The following LRRC40 variants were observed in gnomAD, a reference collection of about 807,000 sequenced individuals.
LRRC40 encodes the protein leucine-rich repeat-containing protein 40.
LRRC40 carries 76 observed loss-of-function variants against 72.8 expected under a neutral mutation model. The observed-to-expected ratio is 1.04, with a 90% CI of 0.87 to 1.26. The LOEUF (loss-of-function observed/expected upper bound fraction) is 1.26. Among genes scored for constraint, LRRC40 ranks in the 50% most tolerant of loss-of-function variants. The pLI is 0.00. For missense variants in LRRC40, 684 were observed against 698.9 expected, an observed-to-expected ratio of 0.98 and a Z score of 0.24; for synonymous variants, 243 against 254.2, an observed-to-expected ratio of 0.96 and a Z score of 0.42.
Position 70,145,747 on chromosome 1 carries a change from T to G in LRRC40, c.*53A>C. ...ACTAAAACAAATGTTACATCCTCCT[T>G]AGAATTAACCAGGGTTAATAATACA... On this transcript the variant is annotated 3_prime_UTR_variant, in exon 15 of 15. Transcript: ENST00000370952. 1 of 910,158 alleles carries G rather than the reference T, an allele frequency of 1.1e-6. No individual in the cohort carries two copies. The highest frequency in any genetic ancestry group is 1.8e-6 in the Non-Finnish European group (1 of 566,876). 56.4% of individuals were successfully genotyped at this position (910,158 alleles called of 1,614,324 possible).
At chr1:70,182,050 C>T (rs1475983690) in intron 4 of LRRC40, among the ~76,000 whole-genome samples, 1 of 151,872 alleles carries the variant, frequency 6.6e-6, no homozygotes, top group Non-Finnish European at 1.5e-5. Flanking sequence ...TTCATTTAAT[C>T]TAACAGTAAC....
chr1:70,197,697 A>G (rs1358129699), intron 1 of LRRC40, among the ~76,000 whole-genome samples: 1 of 151,510 alleles, frequency 6.6e-6, no homozygotes, highest in African/African-American at 2.4e-5. Flanking sequence ...AGAACTATCT[A>G]GTTTGGGGAG....
intron 4 of LRRC40, among the ~76,000 whole-genome samples, chr1:70,184,061 C>A (rs2100316567): frequency 6.6e-6 from 1 of 152,062 alleles, no homozygotes; most frequent in African/African-American, 2.4e-5. Flanking sequence ...TCAGTCTGGC[C>A]AAATGGTGAA....
chr1:70,189,021 G>T, intron 2 of LRRC40, 71 bp downstream of exon 2: 1 of 1,349,282 alleles, frequency 7.4e-7, no homozygotes, highest in Non-Finnish European at 1.0e-6. Context: ...AAGGTTTTCT[G>T]CTACCAAAGC....
In LRRC40 at chr1:70,205,439, T is replaced by G. The variant is rs1558133947; in HGVS notation, c.102A>C (p.Ala34=). ...GTSVPQGLLK[A]ARKSGQLNLS... ...GGTTTAACTGGCCGCTCTTCCTCGC[T>G]GCCTTCAACAGCCCTTGGGGTACCG... The change falls in exon 1 of 15, where the codon GCA becomes GCC. Residue 34 remains alanine (A), a synonymous_variant. Coordinates refer to ENST00000370952, the MANE Select transcript of LRRC40 (RefSeq NM_017768.5). 1 of 1,605,280 alleles carries G rather than the reference T, an allele frequency of 6.2e-7. No individual in the cohort carries two copies. Among genetic ancestry groups the G allele is most frequent in the Non-Finnish European group, 8.5e-7 (1 of 1,173,050 alleles).
intron 9 of LRRC40, among the ~76,000 whole-genome samples, chr1:70,169,384 G>A (rs1667955298): frequency 6.6e-6 from 1 of 151,930 alleles, no homozygotes; most frequent in Non-Finnish European, 1.5e-5. Context: ...CACCCAGAAC[G>A]CTGGCCCCAG....
chr1:70,168,103 C>A (rs147076733), intron 9 of LRRC40, among the ~76,000 whole-genome samples: 3 of 152,162 alleles, frequency 2.0e-5, no homozygotes, highest in Admixed American at 6.5e-5. Flanking sequence ...TCCCTCTCCC[C>A]CAACCCTCCA....
At chr1:70,189,306 A>C in intron 1 of LRRC40, 33 bp from the exon 2 acceptor site, 1 of 1,461,376 alleles carries the variant, frequency 6.8e-7, no homozygotes, top group Non-Finnish European at 9.1e-7. Flanking sequence ...AGGAAAAAAA[A>C]AAAAAAAAAA....
intron 1 of LRRC40, among the ~76,000 whole-genome samples, chr1:70,191,887 G>A (rs1668508547): frequency 6.6e-6 from 1 of 152,160 alleles, no homozygotes; most frequent in Non-Finnish European, 1.5e-5. Context: ...GTAGCATAAT[G>A]AAATCAGGTG....
intron 3 of LRRC40, among the ~76,000 whole-genome samples, chr1:70,185,124 T>C (rs950769589): frequency 1.3e-5 from 2 of 152,074 alleles, no homozygotes; most frequent in Non-Finnish European, 2.9e-5. Context: ...CAAAGAAAAA[T>C]AACAAAGAAA....
chr1:70,205,312 G>T, intron 1 of LRRC40, 78 bp downstream of exon 1: 2 of 1,383,914 alleles, frequency 1.4e-6, no homozygotes, highest in East Asian at 2.3e-5. Context: ...GCCAAAGCCA[G>T]CCCAGAGAAA....
At chr1:70,203,856 T>G (rs1243598113) in intron 1 of LRRC40, among the ~76,000 whole-genome samples, 2 of 150,230 alleles carry the variant, frequency 1.3e-5, no homozygotes, top group Non-Finnish European at 3.0e-5. Flanking sequence ...AACTGAGGGC[T>G]ACATACAGCC....
chr1:70,181,047 C>G, intron 5 of LRRC40, 39 bp downstream of exon 5: 1 of 1,368,958 alleles, frequency 7.3e-7, no homozygotes, highest in Middle Eastern at 2.1e-4. Flanking sequence ...GTTGCACCAA[C>G]TTCAAATTTA....
chr1:70,181,611 T>C (rs1372243059), intron 4 of LRRC40, among the ~76,000 whole-genome samples: 2 of 151,674 alleles, frequency 1.3e-5, no homozygotes, highest in African/African-American at 4.8e-5. Flanking sequence ...TCATGTGAAA[T>C]GAAAAACATC....
intron 1 of LRRC40, among the ~76,000 whole-genome samples, chr1:70,195,077 C>T (rs953476452): frequency 2.0e-5 from 3 of 151,922 alleles, no homozygotes; most frequent in Admixed American, 6.6e-5. Flanking sequence ...AAATGGACCA[C>T]GGACTTATAT....
chr1:70,156,917 G>A (rs538774343), intron 10 of LRRC40, among the ~76,000 whole-genome samples: 8 of 152,222 alleles, frequency 5.3e-5, no homozygotes, highest in African/African-American at 1.9e-4. Flanking sequence ...AACCCAAATT[G>A]CAGAAAGTGA....
At chr1:70,181,450 G>A (rs1668244651) in intron 4 of LRRC40, among the ~76,000 whole-genome samples, 1 of 151,926 alleles carries the variant, frequency 6.6e-6, no homozygotes, top group South Asian at 2.1e-4. Flanking sequence ...GGATATAAAT[G>A]AATTCTAACT....
chr1:70,157,362 T>C (rs1667661045), intron 10 of LRRC40, among the ~76,000 whole-genome samples: 1 of 152,214 alleles, frequency 6.6e-6, no homozygotes, highest in South Asian at 2.1e-4. Context: ...ATTTATGCCT[T>C]GAGATTGATA....
intron 3 of LRRC40, 146 bp from the exon 4 acceptor site, chr1:70,185,060 A>C: frequency 1.7e-6 from 1 of 585,240 alleles, no homozygotes; most frequent in South Asian, 3.0e-5. Context: ...ATTCATATCC[A>C]AAAATATGTA....
Sources: allele counts gnomAD v4.1 joint callset (sites outside exome capture counted in the v4.1 genomes callset), GRCh38; gene constraint gnomAD v4.1.1; transcripts MANE v1.5; gene names NCBI Gene and HGNC (gene_info 2026-07-23, HGNC 2026-07-21).